Variants in PUM1 observed in about 807,000 individuals in gnomAD.
The protein encoded by PUM1 is pumilio homolog 1.
In PUM1, 13 loss-of-function variants were observed where a neutral mutation model predicts 131.8. The observed-to-expected ratio is 0.10, with a 90% CI of 0.06 to 0.16. PUM1 has a LOEUF of 0.16. Among genes scored for constraint, PUM1 ranks in the 10% least tolerant of loss-of-function variants. The pLI is 1.00. For missense variants in PUM1, 961 were observed against 1,512.4 expected (o/e 0.64, Z 6.05); for synonymous variants, 509 against 556.5 (o/e 0.91, Z 1.20).
chr1:30,967,049 C>G (rs1288249300), intron 12 of PUM1, 118 bp downstream of exon 12: 2 of 1,139,618 alleles, frequency 1.8e-6, no homozygotes, highest in Admixed American at 2.3e-5. Flanking sequence ...TGAAACATTA[C>G]AGGGTAGAAC....
intron 18 of PUM1, 68 bp from the exon 19 acceptor site, chr1:30,942,191 T>TTATTTA (rs1553143895): frequency 1.4e-5 from 2 of 143,388 alleles, no homozygotes; most frequent in African/African-American, 1.2e-4. Context: ...TCAGTATTGT[T>TTATTTA]TATATATATA....
chr1:31,023,561 A>G (rs771774546), intron 3 of PUM1, among the ~76,000 whole-genome samples: 1 of 152,222 alleles, frequency 6.6e-6, no homozygotes, highest in Non-Finnish European at 1.5e-5. Context: ...CCTTGACTCC[A>G]GTATTACCAT....
intron 2 of PUM1, among the ~76,000 whole-genome samples, chr1:31,039,039 C>G (rs1441693309): frequency 7.5e-6 from 1 of 132,750 alleles, no homozygotes; most frequent in Non-Finnish European, 1.5e-5. Flanking sequence ...TTCTGTCACC[C>G]AGGCTGGAAT....
At position 31,059,232 on chromosome 1, in the gene PUM1, G is replaced by A. The variant is rs1458781470; in HGVS notation, c.335C>T (p.Thr112Ile). 1 of 1,605,910 alleles carries A rather than the reference G, an allele frequency of 6.2e-7. No homozygotes were observed. The highest frequency in any genetic ancestry group is 1.7e-5 in the Admixed American group (1 of 58,470). The change falls in exon 2 of 22, where the codon ACT (threonine) becomes ATT (isoleucine). Residue 112 changes from threonine to isoleucine, a missense_variant. By Grantham distance (89) the Thr-to-Ile change is moderately conservative. This residue lies in a region of PUM1 where 654 missense variants were observed against 923.9 expected (regional missense o/e 0.71). Coordinates refer to ENST00000426105, the MANE Select transcript of PUM1 (RefSeq NM_001020658.2). ...GYNNSKHRWPTGDNIHAEHQV... is the reference protein window; with the variant it reads ...GYNNSKHRWPIGDNIHAEHQV... ...ATGTTCTGCATGAATGTTATCCCCA[G>A]TAGGCCATCGATGTTTGCTATTATT...
chr1:31,060,876 ACT>A (rs1267496027), intron 1 of PUM1, among the ~76,000 whole-genome samples: 5 of 151,122 alleles, frequency 3.3e-5, no homozygotes, highest in East Asian at 3.9e-4. Flanking sequence ...ACAAATCGAG[ACT>A]CTGTTTCAGT....
chr1:31,038,958 T>TATATA lies in PUM1; in HGVS notation c.364-10095_364-10094insTATAT, dbSNP rs1553152630. Among the ~76,000 whole-genome samples the TATATA allele has an allele frequency of 9.6e-4, 42 of 43,960 alleles. 5 individuals carry two copies. Among genetic ancestry groups the TATATA allele is most frequent in the African/African-American group, 1.7e-3 (10 of 5,786 alleles). 28.8% of individuals were successfully genotyped at this position (43,960 alleles called of 152,430 possible). Reference sequence around the variant, plus strand: ...TAGCCATTTAAAATGTTTTAAAATTTTATATATATATATATATATATATAT... The same window carrying TATATA: ...TAGCCATTTAAAATGTTTTAAAATTTATATATATATATATATATATATATATATAT... On this transcript the variant is annotated intron_variant, in intron 2 of 21. Coordinates refer to ENST00000426105, the MANE Select transcript of PUM1 (RefSeq NM_001020658.2).
intron 2 of PUM1, among the ~76,000 whole-genome samples, chr1:31,039,207 G>A (rs1194325865): frequency 4.4e-5 from 6 of 137,470 alleles, no homozygotes; most frequent in South Asian, 2.5e-4. Flanking sequence ...TGTTACCCAC[G>A]CTAACAAAAA....
At chr1:31,006,122 A>C in intron 4 of PUM1, 91 bp from the exon 5 acceptor site, 1 of 1,210,538 alleles carries the variant, frequency 8.3e-7, no homozygotes, top group African/African-American at 1.5e-5. Context: ...TGGAATCAGG[A>C]AACTTGCCAT....
chr1:30,954,120 A>C (rs958168135), intron 14 of PUM1, 139 bp from the exon 15 acceptor site: 1 of 918,100 alleles, frequency 1.1e-6, no homozygotes, highest in Non-Finnish European at 1.6e-6. Flanking sequence ...AGACAATTCT[A>C]TTAGCGTCAT....
chr1:31,000,233 A>C (rs567667240), intron 5 of PUM1, among the ~76,000 whole-genome samples: 68 of 152,368 alleles, frequency 4.5e-4, no homozygotes, highest in Non-Finnish European at 1.3e-4. Flanking sequence ...ACAGTACTGG[A>C]AAAGTCTATT....
intron 2 of PUM1, among the ~76,000 whole-genome samples, chr1:31,040,375 G>A (rs1643777188): frequency 6.6e-6 from 1 of 152,198 alleles, no homozygotes; most frequent in African/African-American, 2.4e-5. Context: ...AAAAGTGGGA[G>A]TAAAGGAGTA....
chr1:30,942,191 T>TTATATACA (rs1639466964), intron 18 of PUM1, 68 bp from the exon 19 acceptor site: 1 of 143,388 alleles, frequency 7.0e-6, no homozygotes, highest in South Asian at 7.1e-5. Flanking sequence ...TCAGTATTGT[T>TTATATACA]TATATATATA....
chr1:31,058,729 G>C (rs1480789960), intron 2 of PUM1, among the ~76,000 whole-genome samples: 1 of 151,960 alleles, frequency 6.6e-6, no homozygotes, highest in Admixed American at 6.6e-5. Flanking sequence ...CCAGCACTTT[G>C]GGAGGCCGAA....
At chr1:31,022,651 G>A (rs964005211) in intron 3 of PUM1, among the ~76,000 whole-genome samples, 13 of 151,936 alleles carry the variant, frequency 8.6e-5, no homozygotes, top group African/African-American at 2.9e-4. Flanking sequence ...ATTATTTTGG[G>A]TCCCAGGAAC....
At chr1:30,956,265 TG>T (rs1043447186) in intron 14 of PUM1, among the ~76,000 whole-genome samples, 4 of 152,078 alleles carry the variant, frequency 2.6e-5, no homozygotes, top group African/African-American at 7.2e-5. Flanking sequence ...TTTTTTGTTT[TG>T]TTTTTTGTTT....
chr1:31,005,105 A>G (rs1642353362), intron 5 of PUM1, among the ~76,000 whole-genome samples: 1 of 152,252 alleles, frequency 6.6e-6, no homozygotes, highest in Non-Finnish European at 1.5e-5. Flanking sequence ...TCAAATGGAA[A>G]TACATCTTAA....
chr1:30,962,878 A>T (rs1030459701), intron 14 of PUM1, among the ~76,000 whole-genome samples: 8 of 152,222 alleles, frequency 5.3e-5, no homozygotes, highest in Non-Finnish European at 5.9e-5. Flanking sequence ...TTTATGAAAA[A>T]AAAACTTAGC....
At chr1:30,950,300 G>C (rs752880526) in intron 16 of PUM1, 39 bp from the exon 17 acceptor site, 1 of 1,590,998 alleles carries the variant, frequency 6.3e-7, no homozygotes, top group East Asian at 2.2e-5. Flanking sequence ...TACTTAAGTA[G>C]AAGGAAATAA....
chr1:30,950,000 A>G (rs1043422820), intron 17 of PUM1, 127 bp downstream of exon 17: 1 of 1,083,554 alleles, frequency 9.2e-7, no homozygotes, highest in Non-Finnish European at 1.3e-6. Context: ...CCATGCACAA[A>G]AAGGCAGCCA....
Sources: gnomAD v4.1 joint callset for allele counts (sites outside exome capture counted in the v4.1 genomes callset) on GRCh38, gnomAD v4.1.1 for gene constraint, gnomAD v4.1.1 regional missense constraint, MANE v1.5 for transcripts, NCBI Gene and HGNC (gene_info 2026-07-23, HGNC 2026-07-21) for gene names.